PPP4R3A: variants seen among roughly 807,000 people sequenced by gnomAD.
The protein encoded by PPP4R3A is protein phosphatase 4 regulatory subunit 3A.
A neutral mutation model predicts 91.7 loss-of-function variants in PPP4R3A; 15 were observed. The observed-to-expected ratio is 0.16, with a 90% CI of 0.11 to 0.25. The LOEUF (loss-of-function observed/expected upper bound fraction) is 0.25. PPP4R3A is among the 10% of genes least tolerant of loss of function. PPP4R3A has a pLI of 1.00. For missense variants in PPP4R3A, 623 were observed against 998.4 expected, an observed-to-expected ratio of 0.62 and a Z score of 5.07; for synonymous variants, 377 against 348.7, an observed-to-expected ratio of 1.08 and a Z score of -0.91.
At chr14:91,490,826 C>T in intron 1 of PPP4R3A, 24 bp from the exon 2 acceptor site, 1 of 1,566,046 alleles carries the variant, frequency 6.4e-7, no homozygotes, top group East Asian at 2.3e-5. Context: ...AAAGACATTC[C>T]ATTATGTTAC....
chr14:91,468,258 A>G (rs1370529057), intron 10 of PPP4R3A, among the ~76,000 whole-genome samples: 1 of 152,256 alleles, frequency 6.6e-6, no homozygotes, highest in African/African-American at 2.4e-5. Context: ...GATTCTCTCC[A>G]AAGTTCTCAT....
chr14:91,507,540 A>G (rs56698881), intron 1 of PPP4R3A, among the ~76,000 whole-genome samples: 1 of 111,930 alleles, frequency 8.9e-6, no homozygotes, highest in East Asian at 3.1e-4. Flanking sequence ...TATATACTAT[A>G]TATTATATAT....
At chr14:91,464,731 T>C (rs559179037) in intron 11 of PPP4R3A, among the ~76,000 whole-genome samples, 2 of 152,318 alleles carry the variant, frequency 1.3e-5, no homozygotes, top group African/African-American at 4.8e-5. Context: ...TTCAAATGCT[T>C]ATCTGTCAAG....
intron 9 of PPP4R3A, 144 bp downstream of exon 9, chr14:91,472,888 CT>C (rs1353995063): frequency 1.4e-6 from 1 of 694,564 alleles, no homozygotes. Flanking sequence ...ATGGTTTGAA[CT>C]TTTAAAGACT....
chr14:91,470,485 T>C (rs1022379441), intron 10 of PPP4R3A, among the ~76,000 whole-genome samples: 2 of 152,186 alleles, frequency 1.3e-5, no homozygotes, highest in African/African-American at 4.8e-5. Context: ...TTTAAAAACA[T>C]AAGCATGTTT....
intron 2 of PPP4R3A, among the ~76,000 whole-genome samples, chr14:91,490,086 C>T (rs1890146724): frequency 6.6e-6 from 1 of 152,224 alleles, no homozygotes; most frequent in Non-Finnish European, 1.5e-5. Context: ...CTGATCTTGA[C>T]TTCATTGGCT....
chr14:91,482,214 G>A (rs751013831), intron 3 of PPP4R3A, 21 bp from the exon 4 acceptor site: 3 of 1,563,972 alleles, frequency 1.9e-6, no homozygotes, highest in Non-Finnish European at 2.6e-6. Flanking sequence ...AAATTTAATT[G>A]CTGACAAAAT....
intron 4 of PPP4R3A, among the ~76,000 whole-genome samples, chr14:91,479,113 G>T (rs1889383184): frequency 6.6e-6 from 1 of 152,110 alleles, no homozygotes; most frequent in Admixed American, 6.6e-5. Context: ...CTCCTGAGCA[G>T]CTGGGATTAC....
In PPP4R3A at chr14:91,458,549, C is replaced by T. The variant is rs947345947; in HGVS notation, c.*210G>A. 9.9e-6 allele frequency: 7 copies of T among 708,016 alleles called. No homozygotes were observed. The African/African-American group carries it at 1.2e-4, about 12-fold the overall frequency. The allele number at this position is 708,016 out of a possible 1,614,324, so 43.9% of individuals were successfully genotyped here. A position where few individuals can be genotyped will look rare whatever the true frequency, so the allele number is the denominator to read the frequency against. On this transcript the variant is annotated 3_prime_UTR_variant, in exon 15 of 15. Coordinates refer to ENST00000554943, the MANE Select transcript of PPP4R3A (RefSeq NM_001366432.2). The stretch of plus-strand genomic sequence containing the variant: ...GCAATGTGTGGTCCAAGCTGGAGAG[C>T]TCAAAGGCTTAAGTCTTTCCCCTAA...
chr14:91,488,882 A>G (rs1890059308), intron 2 of PPP4R3A, among the ~76,000 whole-genome samples: 2 of 151,384 alleles, frequency 1.3e-5, no homozygotes, highest in Non-Finnish European at 2.9e-5. Flanking sequence ...TACTGTTATG[A>G]AAACTAGTCA....
rs968068739 is a variant in PPP4R3A, at chr14:91,466,936, C to T, written c.1661-1517G>A. Among the ~76,000 whole-genome samples the T allele has an allele frequency of 2.4e-5, 3 of 125,938 alleles. No individual in the cohort carries two copies. In the East Asian group the frequency reaches 7.1e-4, roughly 30 times the overall value. The allele number at this position is 125,938 out of a possible 152,430, so 82.6% of individuals were successfully genotyped here. A position where few individuals can be genotyped will look rare whatever the true frequency, so the allele number is the denominator to read the frequency against. On this transcript the variant is annotated intron_variant, in intron 10 of 14. Coordinates refer to ENST00000554943, the MANE Select transcript of PPP4R3A (RefSeq NM_001366432.2). ...GGGCTTTGTGGAGACTTGTGTCCTA[C>T]CATAACACACACACACACACACACA... is the stretch of plus-strand genomic sequence containing the variant.
At chr14:91,490,942 T>C (rs1433944375) in intron 1 of PPP4R3A, 140 bp from the exon 2 acceptor site, 1 of 348,374 alleles carries the variant, frequency 2.9e-6, no homozygotes, top group East Asian at 5.7e-5. Context: ...CTTCTCTCTG[T>C]CGCCCAGACT....
intron 1 of PPP4R3A, among the ~76,000 whole-genome samples, chr14:91,504,247 G>A (rs1891141400): frequency 6.6e-6 from 1 of 150,634 alleles, no homozygotes; most frequent in Admixed American, 6.6e-5. Flanking sequence ...AAGATCAACT[G>A]AGCCCAGAAG....
chr14:91,458,767 C>A lies in PPP4R3A; in HGVS notation c.2494G>T (p.Asp832Tyr). The A allele has an allele frequency of 6.2e-7, 1 of 1,614,042 alleles. No homozygotes were observed. The highest frequency in any genetic ancestry group is 8.5e-7 in the Non-Finnish European group (1 of 1,179,988). The change falls in exon 15 of 15, where the codon GAT becomes TAT. Residue 832 changes from aspartate to tyrosine, a missense_variant. Physicochemically the swap from Asp to Tyr is radical, Grantham distance 160 (BLOSUM62 -3). Transcript: ENST00000554943. The stretch of plus-strand genomic sequence containing the variant: ...CTAGGCCGTTGCCATTATTATGAAT[C>A]AAATTTTGCTTTCTTTGACAATGGT... ...TLPLSKKAKF[D>Y]S
chr14:91,474,563 G>A (rs1173119665), intron 7 of PPP4R3A: 1 of 152,084 alleles, frequency 6.6e-6, no homozygotes, highest in African/African-American at 2.4e-5. Flanking sequence ...TTCAGCTCAT[G>A]GGTTAATGGG....
intron 2 of PPP4R3A, among the ~76,000 whole-genome samples, chr14:91,488,330 CAG>C (rs1890024470): frequency 6.6e-6 from 1 of 152,116 alleles, no homozygotes; most frequent in Non-Finnish European, 1.5e-5. Flanking sequence ...CAGAAATAAA[CAG>C]ATAAGAATCT....
chr14:91,485,753 T>G (rs778945005), intron 2 of PPP4R3A, 23 bp from the exon 3 acceptor site: 1 of 1,511,062 alleles, frequency 6.6e-7, no homozygotes. Flanking sequence ...AAAAGGAGTC[T>G]GAATGATTAA....
intron 4 of PPP4R3A, among the ~76,000 whole-genome samples, chr14:91,477,990 TA>T (rs1889313956): frequency 6.6e-6 from 1 of 152,202 alleles, no homozygotes; most frequent in African/African-American, 2.4e-5. Flanking sequence ...GTAGATTCAA[TA>T]CCACTTAAGC....
chr14:91,507,780 G>A (rs773955375), intron 1 of PPP4R3A, among the ~76,000 whole-genome samples: 2 of 151,448 alleles, frequency 1.3e-5, no homozygotes, highest in Non-Finnish European at 2.9e-5. Context: ...TGATGTGAAG[G>A]TTATATGTAT....
Sources: allele counts gnomAD v4.1 joint callset (sites outside exome capture counted in the v4.1 genomes callset), GRCh38; gene constraint gnomAD v4.1.1; transcripts MANE v1.5; gene names NCBI Gene and HGNC (gene_info 2026-07-23, HGNC 2026-07-21).